Variants in KCTD9 observed in about 807,000 individuals in gnomAD.
KCTD9 encodes the protein BTB/POZ domain-containing protein KCTD9.
In KCTD9, 17 loss-of-function variants were observed where a neutral mutation model predicts 53.3. The observed-to-expected ratio is 0.32, with a 90% CI of 0.22 to 0.48. The LOEUF is 0.48. Among genes scored for constraint, KCTD9 ranks in the 20% least tolerant of loss-of-function variants. The probability of loss-of-function intolerance (pLI) is 0.99; values close to 1 mark genes in which losing one functional copy is unlikely to be tolerated. For synonymous variants in KCTD9, 128 were observed against 162.7 expected (o/e 0.79, Z 1.62); for missense variants, 179 against 465.5 (o/e 0.38, Z 5.66).
chr8:25,439,330 T>A lies in KCTD9; in HGVS notation c.448A>T (p.Asn150Tyr). 1 of 1,613,206 alleles carries A rather than the reference T, an allele frequency of 6.2e-7. No individual in the cohort carries two copies. Residue 150 changes from asparagine to tyrosine, a missense_variant, in exon 6 of 12, where the codon AAC becomes TAC. By Grantham distance (143) the Asn-to-Tyr change is moderately radical. This residue lies in a region of KCTD9 where 115 missense variants were observed against 250.9 expected (regional missense o/e 0.46). Coordinates refer to ENST00000221200, the MANE Select transcript of KCTD9 (RefSeq NM_017634.4). ...ATGAGCTGTCCATGACGCAAGTAGT[T>A]CAAAATGGGTTCGAAGTACTCAGGA... ...RSPEYFEPIL[N>Y]YLRHGQLIVN...
chr8:25,428,027 C>CAACA lies in KCTD9; in HGVS notation c.*1826_*1829dup, dbSNP rs1334970674. 6.6e-6 allele frequency: 1 copy of CAACA among 152,412 alleles called. No homozygotes were observed. Among genetic ancestry groups the CAACA allele is most frequent in the East Asian group, 1.9e-4 (1 of 5,190 alleles). 9.4% of individuals were successfully genotyped at this position (152,412 alleles called of 1,614,324 possible). On this transcript the variant is annotated 3_prime_UTR_variant, in exon 12 of 12. Coordinates refer to ENST00000221200, the MANE Select transcript of KCTD9 (RefSeq NM_017634.4). ...AAAAGGAAGAGAAGAAACTCCTTTT[C>CAACA]AACAAACACTTTATATCATTTATTA...
intron 1 of KCTD9, among the ~76,000 whole-genome samples, chr8:25,454,964 G>A (rs1442096975): frequency 2.0e-5 from 3 of 152,190 alleles, no homozygotes; most frequent in South Asian, 2.1e-4. Flanking sequence ...GGTGGCTCAC[G>A]CCTGTAATCC....
At position 25,429,667 on chromosome 8, in the gene KCTD9, A is replaced by AAATC. The variant is rs1420012635; in HGVS notation, c.*186_*189dup. ...TATTAAATGAGTGCTTTTCTGTTAA[A>AAATC]AATCAGAATATGGAAAAAAAGTCAG... On this transcript the variant is annotated 3_prime_UTR_variant, in exon 12 of 12. Transcript: ENST00000221200. The AAATC allele has an allele frequency of 4.0e-6, 2 of 502,816 alleles. No homozygotes were observed. Among genetic ancestry groups the AAATC allele is most frequent in the African/African-American group, 3.9e-5 (2 of 50,920 alleles). The allele number at this position is 502,816 out of a possible 1,614,324, so 31.1% of individuals were successfully genotyped here.
intron 3 of KCTD9, 44 bp downstream of exon 3, chr8:25,444,243 CTTTTT>C (rs57257880): frequency 1.8e-5 from 17 of 964,316 alleles, no homozygotes; most frequent in African/African-American, 3.6e-5. Flanking sequence ...GTCATTCCAT[CTTTTT>C]TTTTTTTTTT....
In KCTD9 at chr8:25,458,119, C is replaced by G. The variant is rs988288232; in HGVS notation, c.48+80G>C. 136 of 1,396,930 alleles carry G rather than the reference C, an allele frequency of 9.7e-5. 2 individuals carry two copies. The Admixed American group carries it at 2.6e-3, about 26-fold the overall frequency. The allele number at this position is 1,396,930 out of a possible 1,614,324, so 86.5% of individuals were successfully genotyped here. A position where few individuals can be genotyped will look rare whatever the true frequency, so the allele number is the denominator to read the frequency against. On this transcript the variant is annotated intron_variant, in intron 1 of 11. Transcript: ENST00000221200. ...TCCCAGCCCCTCTACCCAACTTCAC[C>G]GCTGCCCCGCCAGCCGGTTCCGCAC...
intron 5 of KCTD9, 44 bp downstream of exon 5, chr8:25,439,562 T>C: frequency 6.2e-7 from 1 of 1,605,812 alleles, no homozygotes; most frequent in Non-Finnish European, 8.5e-7. Flanking sequence ...AGCACAGATA[T>C]AAAACAGGTA....
intron 1 of KCTD9, 32 bp downstream of exon 1, chr8:25,458,167 C>A (rs548416158): frequency 3.9e-6 from 6 of 1,540,152 alleles, no homozygotes; most frequent in East Asian, 2.3e-5. Flanking sequence ...CCCCGACCCC[C>A]GGCCCGCCGC....
chr8:25,431,381 A>T (rs1247599397), intron 11 of KCTD9, among the ~76,000 whole-genome samples: 1 of 152,194 alleles, frequency 6.6e-6, no homozygotes, highest in South Asian at 2.1e-4. Flanking sequence ...AACCACCGCA[A>T]TTTGAAGCTA....
chr8:25,446,171 T>A lies in KCTD9; in HGVS notation c.128A>T (p.Tyr43Phe), dbSNP rs1397058592. ...SKLGIKATSV[Y>F]NGKGGLIDDI... Reference sequence around the variant, plus strand: ...ATCAATCAGTCCACCTTTCCCATTATACACACTGGTGGCTTTTATGCCGAG... The same window carrying A: ...ATCAATCAGTCCACCTTTCCCATTAAACACACTGGTGGCTTTTATGCCGAG... The change falls in exon 2 of 12, where the codon TAT becomes TTT. Residue 43 changes from tyrosine to phenylalanine, a missense_variant. Coordinates refer to ENST00000221200, the MANE Select transcript of KCTD9 (RefSeq NM_017634.4). 1 of 1,614,012 alleles carries A rather than the reference T, an allele frequency of 6.2e-7. No homozygotes were observed. Among genetic ancestry groups the A allele is most frequent in the African/African-American group, 1.3e-5 (1 of 75,044 alleles).
intron 1 of KCTD9, among the ~76,000 whole-genome samples, chr8:25,449,919 C>A (rs1456077463): frequency 6.6e-6 from 1 of 152,130 alleles, no homozygotes; most frequent in African/African-American, 2.4e-5. Context: ...AAATACAACT[C>A]AAGACCTGTT....
intron 3 of KCTD9, among the ~76,000 whole-genome samples, chr8:25,441,158 C>A (rs187913356): frequency 2.0e-5 from 3 of 146,390 alleles, no homozygotes; most frequent in Non-Finnish European, 4.5e-5. Flanking sequence ...AAGTTGAATG[C>A]AACAAAGACA....
At chr8:25,454,614 A>T (rs1158031801) in intron 1 of KCTD9, among the ~76,000 whole-genome samples, 1 of 152,252 alleles carries the variant, frequency 6.6e-6, no homozygotes, top group Non-Finnish European at 1.5e-5. Flanking sequence ...TACAAACAAC[A>T]TAACTGACTC....
rs114971443 is a variant in KCTD9, at chr8:25,442,669, T to C, written c.214+1623A>G. Among the ~76,000 whole-genome samples the C allele has an allele frequency of 4.1e-3, 625 of 152,296 alleles. 3 individuals are homozygous for C. Among genetic ancestry groups the C allele is most frequent in the African/African-American group, 0.014 (602 of 41,562 alleles). On this transcript the variant is annotated intron_variant, in intron 3 of 11. Coordinates refer to ENST00000221200, the MANE Select transcript of KCTD9 (RefSeq NM_017634.4). ...AAAAGGACTGGAGGTAAGTGTACGCTTGAAGAAGTAAAACTAAATGAGTGT... is the reference window on the plus strand; with the variant it reads ...AAAAGGACTGGAGGTAAGTGTACGCCTGAAGAAGTAAAACTAAATGAGTGT...
Position 25,429,242 on chromosome 8 carries a change from CT to C in KCTD9, c.*614del, listed in dbSNP as rs903294602. On this transcript the variant is annotated 3_prime_UTR_variant, in exon 12 of 12. Transcript: ENST00000221200. ...CTCAATCAGTAAGAACTGGATATTACTTTAATTTAGCTACTGTTCTGTCCTA... is the reference window on the plus strand; with the variant it reads ...CTCAATCAGTAAGAACTGGATATTACTTAATTTAGCTACTGTTCTGTCCTA... 6.6e-6 allele frequency: 1 copy of C among 152,564 alleles called. No individual in the cohort carries two copies. The highest frequency in any genetic ancestry group is 2.4e-5 in the African/African-American group (1 of 41,430). 9.5% of individuals were successfully genotyped at this position (152,564 alleles called of 1,614,324 possible). A position where few individuals can be genotyped will look rare whatever the true frequency, so the allele number is the denominator to read the frequency against.
chr8:25,452,418 C>A (rs1047736485), intron 1 of KCTD9, among the ~76,000 whole-genome samples: 1 of 152,048 alleles, frequency 6.6e-6, no homozygotes, highest in Non-Finnish European at 1.5e-5. Context: ...ATTCTAACAC[C>A]CAATAATTAC....
chr8:25,458,301 T>G lies in KCTD9; in HGVS notation c.-55A>C, dbSNP rs1358884419. The G allele has an allele frequency of 6.9e-6, 11 of 1,598,212 alleles. No homozygotes were observed. The highest frequency in any genetic ancestry group is 1.7e-6 in the Non-Finnish European group (2 of 1,169,600). ...CCGCCACCCTCCCACCTGGTCCTCC[T>G]CCCACCTTTTTCTCCTCCCGCCCTT... On this transcript the variant is annotated 5_prime_UTR_variant, in exon 1 of 12. Coordinates refer to ENST00000221200, the MANE Select transcript of KCTD9 (RefSeq NM_017634.4).
chr8:25,438,302 AT>A (rs1027490217), intron 6 of KCTD9, among the ~76,000 whole-genome samples: 8 of 137,752 alleles, frequency 5.8e-5, no homozygotes, highest in African/African-American at 2.1e-4. Flanking sequence ...GTCAAATAAT[AT>A]CTTTTTTTTT....
Position 25,428,167 on chromosome 8 carries a change from T to C in KCTD9, c.*1690A>G, listed in dbSNP as rs1455811230. On this transcript the variant is annotated 3_prime_UTR_variant, in exon 12 of 12. Transcript: ENST00000221200. ...ACAGAGGTACCTTTAAGTGAATGAA[T>C]ACCACATTCTGTAATTCCTGAAAAT... is the stretch of plus-strand genomic sequence containing the variant. The C allele has an allele frequency of 6.6e-6, 1 of 152,648 alleles. No individual in the cohort carries two copies. The highest frequency in any genetic ancestry group is 6.5e-5 in the Admixed American group (1 of 15,278). 9.5% of individuals were successfully genotyped at this position (152,648 alleles called of 1,614,324 possible).
At position 25,458,257 on chromosome 8, in the gene KCTD9, C is replaced by A. The variant is rs764628839; in HGVS notation, c.-11G>T. 4 of 1,610,528 alleles carry A rather than the reference C, an allele frequency of 2.5e-6. No individual in the cohort carries two copies. The highest frequency in any genetic ancestry group is 2.2e-5 in the East Asian group (1 of 44,810). Reference sequence around the variant, plus strand: ...GGTCACCCGCCTCATCGCGCTGCCCCCGCTGGGTCCTGAGTGAGCCGCCAC... The same window carrying A: ...GGTCACCCGCCTCATCGCGCTGCCCACGCTGGGTCCTGAGTGAGCCGCCAC... On this transcript the variant is annotated 5_prime_UTR_variant, in exon 1 of 12. Transcript: ENST00000221200.
Sources: allele counts gnomAD v4.1 joint callset (sites outside exome capture counted in the v4.1 genomes callset), GRCh38; gene constraint gnomAD v4.1.1; regional missense constraint gnomAD v4.1.1; transcripts MANE v1.5; gene names NCBI Gene and HGNC (gene_info 2026-07-23, HGNC 2026-07-21).